Variants in HSPG2 observed in about 807,000 individuals in gnomAD.
HSPG2 encodes the protein heparan sulfate proteoglycan 2.
Under a neutral mutation model 526.6 loss-of-function variants are expected in HSPG2, and 278 were observed. The ratio of observed to expected loss-of-function variants is 0.53; its 90% CI spans 0.48 to 0.58. The LOEUF (loss-of-function observed/expected upper bound fraction) is 0.58, where lower values mean the gene tolerates loss of function less well. Ranked by LOEUF, HSPG2 falls within the 20% of genes least tolerant of loss-of-function variation. HSPG2 has a pLI of 0.00. For missense variants in HSPG2, 5,354 were observed against 6,099.5 expected (o/e 0.88, Z 4.07); for synonymous variants, 2,465 against 2,555.4 (o/e 0.96, Z 1.07).
rs899757109 is a variant in HSPG2 at position 21,895,341 on chromosome 1, C to A, written c.244+581G>T. On this transcript the variant is annotated intron_variant, in intron 3 of 96. Transcript: ENST00000374695. This position sits in a 1 kb window ranked among gnomAD's most constrained non-coding sequence, Gnocchi z 4.1. ...CCATCCCAGTGCTGGGCCAGTCTGA[C>A]CAGGGTGGGGGCTGACTCTCCTCCC... Among the ~76,000 whole-genome samples the A allele has an allele frequency of 6.6e-6, 1 of 152,156 alleles. No individual in the cohort carries two copies. The highest frequency in any genetic ancestry group is 1.5e-5 in the Non-Finnish European group (1 of 68,004).
At chr1:21,933,831 G>C (rs1011104899) in intron 1 of HSPG2, among the ~76,000 whole-genome samples, 1 of 152,384 alleles carries the variant, frequency 6.6e-6, no homozygotes, top group East Asian at 1.9e-4. Context: ...AAGTAGGCTA[G>C]TGTCAGGTGA....
At position 21,848,150 on chromosome 1, in the gene HSPG2, C is replaced by A; in HGVS notation, c.7738-57G>T. Reference sequence around the variant, plus strand: ...GTAGGTGTGGGCAGCTCCTCCACATCTTGGGCACTGCTGCCGCTGCCCCTG... The same window carrying A: ...GTAGGTGTGGGCAGCTCCTCCACATATTGGGCACTGCTGCCGCTGCCCCTG... On this transcript the variant is annotated intron_variant, in intron 59 of 96. Coordinates refer to ENST00000374695, the MANE Select transcript of HSPG2 (RefSeq NM_005529.7). The surrounding 1 kb of genome is among the most constrained non-coding windows in gnomAD (Gnocchi z 4.9). 1 of 1,539,778 alleles carries A rather than the reference C, an allele frequency of 6.5e-7. No individual in the cohort carries two copies. Among genetic ancestry groups the A allele is most frequent in the Non-Finnish European group, 8.7e-7 (1 of 1,143,870 alleles).
At position 21,904,610 on chromosome 1, in the gene HSPG2, C is replaced by T. The variant is rs539068825; in HGVS notation, c.64-8300G>A. Among the ~76,000 whole-genome samples, 1 of 152,238 alleles carries T rather than the reference C, an allele frequency of 6.6e-6. No individual in the cohort carries two copies. The highest frequency in any genetic ancestry group is 1.5e-5 in the Non-Finnish European group (1 of 68,046). ...CCTGGTGGCTGAATGAGCTGCCTGC[C>T]AGCTTACAGGGAACCAGGAAGCCAC... On this transcript the variant is annotated intron_variant, in intron 1 of 96. Transcript: ENST00000374695. This position sits in a 1 kb window ranked among gnomAD's most constrained non-coding sequence, Gnocchi z 4.4.
rs1436609554 is a variant in HSPG2 at position 21,895,393 on chromosome 1, A to C, written c.244+529T>G. 1.3e-5 allele frequency among the ~76,000 whole-genome samples: 2 copies of C among 152,044 alleles called. No individual in the cohort carries two copies. The highest frequency in any genetic ancestry group is 1.3e-4 in the Admixed American group (2 of 15,276). ...CCAAGAGCCTAGCCTTGCCTCCCTA[A>C]GCTAGGAACCCTTGCTTCCCAGCCG... On this transcript the variant is annotated intron_variant, in intron 3 of 96. Transcript: ENST00000374695. This position sits in a 1 kb window ranked among gnomAD's most constrained non-coding sequence, Gnocchi z 4.1.
Position 21,880,258 on chromosome 1 carries a change from T to C in HSPG2, c.2196-4A>G. On this transcript the variant is annotated splice_polypyrimidine_tract_variant and splice_region_variant and intron_variant, in intron 16 of 96. Coordinates refer to ENST00000374695, the MANE Select transcript of HSPG2 (RefSeq NM_005529.7). ...GCCAGAATAGCCAATGGGGCATCTG[T>C]GGGGACAGGACCAAAAGAGTCGCTG... 6.2e-7 allele frequency: 1 copy of C among 1,614,082 alleles called. No individual in the cohort carries two copies. The highest frequency in any genetic ancestry group is 2.2e-5 in the East Asian group (1 of 44,872).
At chr1:21,911,453 C>T (rs1643676891) in intron 1 of HSPG2, among the ~76,000 whole-genome samples, 1 of 141,356 alleles carries the variant, frequency 7.1e-6, no homozygotes, top group African/African-American at 2.6e-5. Flanking sequence ...GGCCCCAGAG[C>T]AGGCAGGGAG....
At chr1:21,826,947 G>A (rs938270025) in intron 91 of HSPG2, among the ~76,000 whole-genome samples, 3 of 152,050 alleles carry the variant, frequency 2.0e-5, no homozygotes, top group Non-Finnish European at 2.9e-5. Context: ...GGTGGCTTAC[G>A]CCTGTAATCC....
At chr1:21,866,082 C>T (rs900900964) in intron 33 of HSPG2, among the ~76,000 whole-genome samples, 20 of 152,224 alleles carry the variant, frequency 1.3e-4, no homozygotes, top group African/African-American at 4.6e-4. Context: ...ACGGTGCCGG[C>T]GAACAAACTC....
At position 21,858,715 on chromosome 1, in the gene HSPG2, C is replaced by G. The variant is rs920957619; in HGVS notation, c.5293+851G>C. Among the ~76,000 whole-genome samples the G allele has an allele frequency of 2.8e-4, 43 of 152,374 alleles. No homozygotes were observed. The highest frequency in any genetic ancestry group is 1.0e-3 in the African/African-American group (42 of 41,596). ...TGCCTGACTTCTGCCAGCCACTGCA[C>G]TTCTTTGCATTGAGGGCTTTCTCAG... On this transcript the variant is annotated intron_variant, in intron 42 of 96. Coordinates refer to ENST00000374695, the MANE Select transcript of HSPG2 (RefSeq NM_005529.7). The surrounding 1 kb of genome is among the most constrained non-coding windows in gnomAD (Gnocchi z 4.2).
intron 44 of HSPG2, among the ~76,000 whole-genome samples, chr1:21,856,608 G>C (rs1302748387): frequency 9.9e-5 from 6 of 60,822 alleles, no homozygotes; most frequent in African/African-American, 2.8e-4. Flanking sequence ...AGTAGAGACA[G>C]GGTTTCACCT....
In HSPG2 at chr1:21,859,680, G is replaced by A. The variant is rs757200451; in HGVS notation, c.5183-4C>T. 1.2e-5 allele frequency: 19 copies of A among 1,604,494 alleles called. No individual in the cohort carries two copies. The Admixed American group carries it at 3.2e-4, about 27-fold the overall frequency. ...CTGGGGAAGTGGAGCTCGGAGCCTG[G>A]TGGGGAGGAGACAAGAGCTTGTTGG... On this transcript the variant is annotated splice_region_variant and splice_polypyrimidine_tract_variant and intron_variant, in intron 41 of 96. Coordinates refer to ENST00000374695, the MANE Select transcript of HSPG2 (RefSeq NM_005529.7). The surrounding 1 kb of genome is among the most constrained non-coding windows in gnomAD (Gnocchi z 5.3).
chr1:21,848,770 C>G lies in HSPG2; in HGVS notation c.7610G>C (p.Arg2537Pro). ...CAGGGAGGCTGAGGAGGACTCGATG[C>G]GGACGGGGTACGCCACACCCTGGGC... Reference protein sequence around the residue: ...SHSQGVAYPVRIESSSASLAN... With the variant: ...SHSQGVAYPVPIESSSASLAN... The change falls in exon 59 of 97, where the codon CGC becomes CCC. Residue 2537 changes from arginine to proline, a missense_variant. Transcript: ENST00000374695. This position sits in a 1 kb window ranked among gnomAD's most constrained non-coding sequence, Gnocchi z 4.9. The G allele has an allele frequency of 1.9e-6, 3 of 1,613,756 alleles. No homozygotes were observed. The highest frequency in any genetic ancestry group is 2.5e-6 in the Non-Finnish European group (3 of 1,179,986).
intron 1 of HSPG2, among the ~76,000 whole-genome samples, chr1:21,929,411 C>CTT (rs1046354414): frequency 3.4e-5 from 5 of 145,126 alleles, no homozygotes; most frequent in African/African-American, 1.3e-4. Flanking sequence ...ATTCTTTTTT[C>CTT]TTTTTTTTTT....
intron 1 of HSPG2, among the ~76,000 whole-genome samples, chr1:21,906,959 C>T (rs560901401): frequency 3.3e-5 from 5 of 152,254 alleles, no homozygotes; most frequent in South Asian, 2.1e-4. Context: ...TAAGAAAAGC[C>T]GCAAGGCCCC....
rs113987691 is a variant in HSPG2, at chr1:21,889,777, C to T, written c.574+204G>A. The T allele has an allele frequency of 5.2e-4, 324 of 618,398 alleles. 1 individual carries two copies. The highest frequency in any genetic ancestry group is 4.8e-3 in the African/African-American group (259 of 54,286). The allele number at this position is 618,398 out of a possible 1,614,324, so 38.3% of individuals were successfully genotyped here. ...AGGTCTAGAAGGAAGGAGCAGAACT[C>T]GGGTCTAACGGGTATGTGCTAGAGG... On this transcript the variant is annotated intron_variant, in intron 6 of 96. Coordinates refer to ENST00000374695, the MANE Select transcript of HSPG2 (RefSeq NM_005529.7).
chr1:21,855,224 C>T (rs911883429), intron 47 of HSPG2, 80 bp downstream of exon 47: 24 of 1,500,188 alleles, frequency 1.6e-5, no homozygotes, highest in East Asian at 4.8e-5. Context: ...TGGGGTGGGG[C>T]GTGAAGGGGG....
At chr1:21,841,391 C>T in intron 70 of HSPG2, 106 bp from the exon 71 acceptor site, 2 of 1,558,748 alleles carry the variant, frequency 1.3e-6, no homozygotes, top group East Asian at 4.5e-5. Flanking sequence ...CCTGTCTCCC[C>T]ACTGCACTGA....
At chr1:21,891,596 A>C (rs1384436171) in intron 3 of HSPG2, among the ~76,000 whole-genome samples, 1 of 151,204 alleles carries the variant, frequency 6.6e-6, no homozygotes, top group Non-Finnish European at 1.5e-5. Flanking sequence ...ACTGGTGTGA[A>C]CATACACATG....
intron 2 of HSPG2, 50 bp from the exon 3 acceptor site, chr1:21,896,016 A>T (rs1273392436): frequency 1.3e-6 from 2 of 1,597,434 alleles, no homozygotes; most frequent in Non-Finnish European, 1.7e-6. Flanking sequence ...TTTGTTGAGT[A>T]CCTACTGGGT....
Sources: gnomAD v4.1 joint callset for allele counts (sites outside exome capture counted in the v4.1 genomes callset) on GRCh38, gnomAD v4.1.1 for gene constraint, Gnocchi (gnomAD v3.1) non-coding constraint, MANE v1.5 for transcripts, NCBI Gene and HGNC (gene_info 2026-07-23, HGNC 2026-07-21) for gene names.